ZFHX3: variants seen among roughly 807,000 people sequenced by gnomAD.
The protein encoded by ZFHX3 is zinc finger homeobox 3.
ZFHX3 carries 42 observed loss-of-function variants against 279.1 expected under a neutral mutation model. The observed-to-expected ratio is 0.15, with a 90% CI of 0.12 to 0.19. ZFHX3 has a LOEUF of 0.19. Among genes scored for constraint, ZFHX3 ranks in the 10% least tolerant of loss-of-function variants. ZFHX3 has a pLI of 1.00. For missense variants in ZFHX3, 4,981 were observed against 4,754.0 expected, an observed-to-expected ratio of 1.05 and a Z score of -1.40; for synonymous variants, 2,293 against 1,957.8, an observed-to-expected ratio of 1.17 and a Z score of -4.52.
chr16:73,381,164 A>C (rs1017422484), intron 3 of ZFHX3, among the ~76,000 whole-genome samples: 1 of 152,168 alleles, frequency 6.6e-6, no homozygotes, highest in Non-Finnish European at 1.5e-5. Flanking sequence ...AAGACCCCCC[A>C]AACAAGAACT....
At chr16:73,105,372 T>TATATATACACACACAC (rs1567389772) in intron 7 of ZFHX3, among the ~76,000 whole-genome samples, 2 of 27,512 alleles carry the variant, frequency 7.3e-5, no homozygotes, top group Non-Finnish European at 1.3e-4. Flanking sequence ...TATACACACA[T>TATATATACACACACAC]ATATATATAT....
At chr16:73,409,149 T>C (rs1254257333) in intron 3 of ZFHX3, among the ~76,000 whole-genome samples, 1 of 152,234 alleles carries the variant, frequency 6.6e-6, no homozygotes, top group Non-Finnish European at 1.5e-5. Context: ...AGCCAACTAT[T>C]AATACCTTTT....
At chr16:73,497,332 T>A (rs1377662864) in intron 2 of ZFHX3, among the ~76,000 whole-genome samples, 1 of 152,194 alleles carries the variant, frequency 6.6e-6, no homozygotes, top group Non-Finnish European at 1.5e-5. Flanking sequence ...ATAGCTTGAT[T>A]TTCTCTTCCT....
intron 7 of ZFHX3, among the ~76,000 whole-genome samples, chr16:73,112,049 T>C (rs923679865): frequency 6.6e-6 from 1 of 151,936 alleles, no homozygotes; most frequent in Admixed American, 6.6e-5. Context: ...GTCTAGGTGG[T>C]GCATAGTCCT....
intron 1 of ZFHX3, among the ~76,000 whole-genome samples, chr16:73,855,649 A>T (rs150464827): frequency 1.1e-3 from 166 of 152,344 alleles, no homozygotes; most frequent in Non-Finnish European, 1.5e-3. Flanking sequence ...AGATTTAGTC[A>T]TCTCTGGAAA....
chr16:73,095,218 C>G (rs1225140959), intron 7 of ZFHX3, among the ~76,000 whole-genome samples: 1 of 152,150 alleles, frequency 6.6e-6, no homozygotes, highest in East Asian at 1.9e-4. Flanking sequence ...AGCCACTGCG[C>G]CTGGCTCTGG....
intron 2 of ZFHX3, among the ~76,000 whole-genome samples, chr16:73,569,927 T>A (rs2051716950): frequency 6.6e-6 from 1 of 152,116 alleles, no homozygotes. Context: ...CCCGTTTCCC[T>A]TAATCACCCC....
chr16:73,783,047 G>T (rs977633123), intron 1 of ZFHX3, among the ~76,000 whole-genome samples: 2 of 152,062 alleles, frequency 1.3e-5, no homozygotes, highest in African/African-American at 2.4e-5. Context: ...AGAGAGAGAG[G>T]GGGGCACTGA....
At chr16:72,954,350 A>G (rs1961144641) in intron 2 of ZFHX3, among the ~76,000 whole-genome samples, 1 of 152,202 alleles carries the variant, frequency 6.6e-6, no homozygotes, top group Non-Finnish European at 1.5e-5. Flanking sequence ...AGCCTGGGCG[A>G]CAAGAGTGAA....
At chr16:73,326,092 G>T (rs1481411315) in intron 3 of ZFHX3, among the ~76,000 whole-genome samples, 1 of 152,218 alleles carries the variant, frequency 6.6e-6, no homozygotes, top group Non-Finnish European at 1.5e-5. Context: ...TCCTTCTACA[G>T]ATGGAGAGAT....
At chr16:72,871,319 G>T (rs994211359) in intron 4 of ZFHX3, among the ~76,000 whole-genome samples, 1 of 151,312 alleles carries the variant, frequency 6.6e-6, no homozygotes, top group African/African-American at 2.4e-5. Flanking sequence ...AGGATCACAG[G>T]TGCCTGCCAC....
chr16:73,649,759 T>C (rs940955011), intron 2 of ZFHX3, among the ~76,000 whole-genome samples: 4 of 152,160 alleles, frequency 2.6e-5, no homozygotes, highest in Non-Finnish European at 5.9e-5. Flanking sequence ...CAGAGGCAGA[T>C]AGCTGGGCAA....
chr16:73,093,050 A>T, intron 8 of ZFHX3: 1 of 519,862 alleles, frequency 1.9e-6, no homozygotes, highest in Non-Finnish European at 3.8e-6. Flanking sequence ...CATCTCTCTA[A>T]CATATCCTTT....
chr16:73,633,877 G>A (rs376686848), intron 2 of ZFHX3, among the ~76,000 whole-genome samples: 2 of 150,870 alleles, frequency 1.3e-5, no homozygotes, highest in Admixed American at 6.6e-5. Context: ...CAGCCCGGGC[G>A]ACAGAGCAAG....
intron 5 of ZFHX3, among the ~76,000 whole-genome samples, chr16:73,239,614 A>C (rs575280014): frequency 6.6e-6 from 1 of 152,278 alleles, no homozygotes; most frequent in African/African-American, 2.4e-5. Context: ...CCTATCTTCC[A>C]GCAGCGGTAG....
intron 1 of ZFHX3, among the ~76,000 whole-genome samples, chr16:73,843,849 C>G (rs1351177484): frequency 1.3e-5 from 2 of 152,188 alleles, no homozygotes; most frequent in East Asian, 3.8e-4. Flanking sequence ...CAGCCACAGA[C>G]AGTTTGTAAA....
At chr16:72,996,277 C>T (rs1963287607) in intron 1 of ZFHX3, among the ~76,000 whole-genome samples, 1 of 152,134 alleles carries the variant, frequency 6.6e-6, no homozygotes, top group African/African-American at 2.4e-5. Context: ...AGCAAGACTC[C>T]AACATAAAAT....
intron 5 of ZFHX3, among the ~76,000 whole-genome samples, chr16:73,165,678 C>T (rs1967348068): frequency 1.3e-5 from 2 of 152,170 alleles, no homozygotes. Flanking sequence ...CCCCTCCCCA[C>T]CAAAGCAAGA....
At chr16:73,663,891 C>T (rs2052809689) in intron 2 of ZFHX3, among the ~76,000 whole-genome samples, 2 of 152,150 alleles carry the variant, frequency 1.3e-5, no homozygotes, top group African/African-American at 2.4e-5. Context: ...TGTAACCACC[C>T]CCACCTCAGT....
Sources: gnomAD v4.1 joint callset for allele counts (sites outside exome capture counted in the v4.1 genomes callset) on GRCh38, gnomAD v4.1.1 for gene constraint, MANE v1.5 for transcripts, NCBI Gene and HGNC (gene_info 2026-07-23, HGNC 2026-07-21) for gene names.